The following CMSS1 variants were observed in gnomAD, a reference collection of about 807,000 sequenced individuals.
The protein encoded by CMSS1 is protein CMSS1.
CMSS1 carries 33 observed loss-of-function variants against 43.5 expected under a neutral mutation model. That is an observed-to-expected ratio of 0.76 (90% confidence interval 0.57 to 1.01). CMSS1 has a LOEUF of 1.01. Among genes scored for constraint, CMSS1 ranks in the 50% least tolerant of loss-of-function variants. The probability of loss-of-function intolerance (pLI) is 0.00; values close to 1 mark genes in which losing one functional copy is unlikely to be tolerated. For synonymous variants in CMSS1, 115 were observed against 117.2 expected (o/e 0.98, Z 0.12); for missense variants, 313 against 326.4 (o/e 0.96, Z 0.32).
intron 1 of CMSS1, among the ~76,000 whole-genome samples, chr3:99,935,933 T>C (rs927143498): frequency 3.3e-5 from 5 of 152,188 alleles, no homozygotes; most frequent in Non-Finnish European, 2.9e-5. Flanking sequence ...CAAATGTAAA[T>C]AGAAGTCTAT....
chr3:99,891,495 G>A (rs930709488), intron 1 of CMSS1, among the ~76,000 whole-genome samples: 5 of 151,836 alleles, frequency 3.3e-5, no homozygotes, highest in African/African-American at 4.8e-5. Flanking sequence ...AATATTACTT[G>A]CCATCTTATA....
chr3:99,923,561 CA>C (rs1458589564), intron 1 of CMSS1, among the ~76,000 whole-genome samples: 1 of 152,176 alleles, frequency 6.6e-6, no homozygotes, highest in East Asian at 1.9e-4. Context: ...ATAAGTAGTT[CA>C]TGCGCACACC....
At chr3:99,850,296 T>G in intron 1 of CMSS1, 3 of 1,613,852 alleles carry the variant, frequency 1.9e-6, no homozygotes, top group Non-Finnish European at 2.5e-6. Flanking sequence ...TCTCCAGTTC[T>G]TGAGACAACT....
At chr3:100,170,557 G>GA (rs915061973) in intron 6 of CMSS1, among the ~76,000 whole-genome samples, 22 of 150,554 alleles carry the variant, frequency 1.5e-4, no homozygotes, top group Non-Finnish European at 2.2e-4. Context: ...GGTTTAAGAA[G>GA]AAAAAAAAAG....
intron 1 of CMSS1, among the ~76,000 whole-genome samples, chr3:99,931,307 C>G (rs1037342544): frequency 3.3e-5 from 5 of 152,130 alleles, no homozygotes; most frequent in Admixed American, 6.5e-5. Context: ...AACTTCATCC[C>G]CCAAGCATTC....
chr3:100,148,032 T>A (rs2066868950), intron 2 of CMSS1, among the ~76,000 whole-genome samples: 1 of 152,190 alleles, frequency 6.6e-6, no homozygotes, highest in South Asian at 2.1e-4. Flanking sequence ...CTTTTAATTT[T>A]AAAAAATTAC....
chr3:99,854,797 A>T (rs1159029092), intron 1 of CMSS1, among the ~76,000 whole-genome samples: 1 of 152,198 alleles, frequency 6.6e-6, no homozygotes, highest in Non-Finnish European at 1.5e-5. Flanking sequence ...TGCTTTACTC[A>T]GCTTTAATTA....
At chr3:99,833,085 G>A (rs1192170458) in intron 1 of CMSS1, 2 of 687,950 alleles carry the variant, frequency 2.9e-6, no homozygotes, top group Admixed American at 2.8e-5. Context: ...GGAGGCTCCT[G>A]GGTTTCATCA....
intron 1 of CMSS1, chr3:99,848,310 T>A: frequency 6.2e-7 from 1 of 1,614,058 alleles, no homozygotes; most frequent in Non-Finnish European, 8.5e-7. Context: ...TTTGTGATTG[T>A]CGAGGAAGAG....
intron 1 of CMSS1, among the ~76,000 whole-genome samples, chr3:99,885,447 C>A (rs1705862380): frequency 2.6e-5 from 4 of 152,192 alleles, no homozygotes; most frequent in Admixed American, 2.6e-4. Flanking sequence ...TTATGACTAG[C>A]CCAATTACAT....
At chr3:99,933,958 T>G (rs1707575018) in intron 1 of CMSS1, among the ~76,000 whole-genome samples, 1 of 152,224 alleles carries the variant, frequency 6.6e-6, no homozygotes, top group East Asian at 1.9e-4. Flanking sequence ...ACTCCACAGC[T>G]TCAGCTTTCT....
intron 1 of CMSS1, among the ~76,000 whole-genome samples, chr3:100,100,122 A>G (rs2066279175): frequency 6.6e-6 from 1 of 152,138 alleles, no homozygotes; most frequent in Non-Finnish European, 1.5e-5. Flanking sequence ...GAGAATGGAA[A>G]GGAATGGCCT....
chr3:99,865,806 T>G (rs917984692), intron 1 of CMSS1, among the ~76,000 whole-genome samples: 1 of 151,906 alleles, frequency 6.6e-6, no homozygotes, highest in South Asian at 2.1e-4. Context: ...TTTATCTTAT[T>G]AAGAATATTT....
chr3:99,830,158 G>A lies in CMSS1; in HGVS notation c.64+12115G>A, dbSNP rs572969236. 50 of 238,698 alleles carry A rather than the reference G, an allele frequency of 2.1e-4. 1 individual carries two copies. The South Asian group carries it at 2.5e-3, about 12-fold the overall frequency. The allele number at this position is 238,698 out of a possible 1,614,324, so 14.8% of individuals were successfully genotyped here. ...CTGATTCTAGATAGTTCATCTTTGGGTTAGATTATATGTCGGATGAGGAAA... is the reference window on the plus strand; with the variant it reads ...CTGATTCTAGATAGTTCATCTTTGGATTAGATTATATGTCGGATGAGGAAA... On this transcript the variant is annotated intron_variant, in intron 1 of 9. Coordinates refer to ENST00000421999, the MANE Select transcript of CMSS1 (RefSeq NM_032359.4).
At chr3:100,026,508 C>G (rs1013733659) in intron 1 of CMSS1, among the ~76,000 whole-genome samples, 4 of 152,002 alleles carry the variant, frequency 2.6e-5, no homozygotes, top group African/African-American at 9.7e-5. Context: ...TTGACCAGAT[C>G]TTCCAGTATT....
chr3:100,120,988 TGG>T (rs2066614273), intron 1 of CMSS1, among the ~76,000 whole-genome samples: 1 of 152,140 alleles, frequency 6.6e-6, no homozygotes, highest in Non-Finnish European at 1.5e-5. Flanking sequence ...GAAAATTGTG[TGG>T]CTCAGCTTTA....
intron 1 of CMSS1, among the ~76,000 whole-genome samples, chr3:100,061,426 T>G (rs557957528): frequency 4.9e-4 from 75 of 152,340 alleles, no homozygotes; most frequent in African/African-American, 1.6e-3. Flanking sequence ...AATTCTTGGT[T>G]ATTCCAGGGT....
chr3:100,114,888 T>C, intron 1 of CMSS1: 2 of 1,273,766 alleles, frequency 1.6e-6, no homozygotes, highest in Admixed American at 4.1e-5. Flanking sequence ...TCGCTATTAT[T>C]AACGCTGTGT....
intron 1 of CMSS1, among the ~76,000 whole-genome samples, chr3:99,989,843 A>G (rs1049251686): frequency 4.6e-5 from 7 of 152,142 alleles, no homozygotes; most frequent in African/African-American, 1.7e-4. Flanking sequence ...GATCAGTTTC[A>G]TAAAATCTCA....
Sources: gnomAD v4.1 joint callset for allele counts (sites outside exome capture counted in the v4.1 genomes callset) on GRCh38, gnomAD v4.1.1 for gene constraint, MANE v1.5 for transcripts, NCBI Gene and HGNC (gene_info 2026-07-23, HGNC 2026-07-21) for gene names.